Variants in RPS6KC1 observed in about 807,000 individuals in gnomAD.
The protein encoded by RPS6KC1 is ribosomal protein S6 kinase C1, also known as inactive ribosomal protein S6 kinase delta-1.
In RPS6KC1, 54 loss-of-function variants were observed where a neutral mutation model predicts 103.8. That is an observed-to-expected ratio of 0.52 (90% CI 0.42 to 0.65). RPS6KC1 has a LOEUF of 0.65. RPS6KC1 is among the 30% of genes least tolerant of loss of function. The probability of loss-of-function intolerance (pLI) is 0.00; values close to 1 mark genes in which losing one functional copy is unlikely to be tolerated. For synonymous variants in RPS6KC1, 439 were observed against 438.7 expected, an observed-to-expected ratio of 1.00 and a Z score of -0.01; for missense variants, 1,151 against 1,253.8, an observed-to-expected ratio of 0.92 and a Z score of 1.24.
chr1:213,679,246 T>A, the RPS6KC1 span, among the ~76,000 whole-genome samples: 1 of 152,324 alleles, frequency 6.6e-6, no homozygotes, highest in Middle Eastern at 3.4e-3. Context: ...GGTTTCAACA[T>A]CCTTTTGCAA....
chr1:213,245,479 A>T (rs1032544806), intron 12 of RPS6KC1, among the ~76,000 whole-genome samples: 4 of 152,176 alleles, frequency 2.6e-5, no homozygotes, highest in Non-Finnish European at 5.9e-5. Flanking sequence ...TCACAAGATT[A>T]TGATGAGAGC....
chr1:213,640,248 C>T, the RPS6KC1 span, among the ~76,000 whole-genome samples: 1 of 151,906 alleles, frequency 6.6e-6, no homozygotes, highest in Non-Finnish European at 1.5e-5. Flanking sequence ...GTGATATCCC[C>T]TATTTCATTC....
chr1:213,217,023 G>C (rs2093683672), intron 8 of RPS6KC1, among the ~76,000 whole-genome samples: 1 of 151,644 alleles, frequency 6.6e-6, no homozygotes, highest in Non-Finnish European at 1.5e-5. Context: ...ACTAAGATCA[G>C]AGCAGAGCTG....
chr1:213,529,524 A>G, the RPS6KC1 span, among the ~76,000 whole-genome samples: 2 of 152,236 alleles, frequency 1.3e-5, no homozygotes, highest in African/African-American at 4.8e-5. Context: ...ATACACACAG[A>G]AACACAAAGA....
chr1:213,742,417 A>G, the RPS6KC1 span, among the ~76,000 whole-genome samples: 2 of 152,242 alleles, frequency 1.3e-5, no homozygotes, highest in Non-Finnish European at 2.9e-5. Context: ...GCTGTGAAAT[A>G]TTCTTTAGGA....
intron 5 of RPS6KC1, 111 bp downstream of exon 5, chr1:213,117,521 T>G: frequency 5.0e-5 from 29 of 575,928 alleles, no homozygotes; most frequent in East Asian, 1.8e-4. Context: ...GGTATTTCAC[T>G]GATTCTAAGA....
the RPS6KC1 span, among the ~76,000 whole-genome samples, chr1:213,363,791 TTTC>T: frequency 1.8e-5 from 2 of 110,624 alleles, no homozygotes; most frequent in African/African-American, 1.1e-4. Flanking sequence ...TCTTTCTTTC[TTTC>T]TTTCTTTCTT....
the RPS6KC1 span, among the ~76,000 whole-genome samples, chr1:213,799,189 T>A: frequency 6.6e-6 from 1 of 152,252 alleles, no homozygotes; most frequent in African/African-American, 2.4e-5. Context: ...CAGTTTTTCA[T>A]TTTAAGAAGA....
chr1:213,079,155 T>A (rs2079629402), intron 3 of RPS6KC1, among the ~76,000 whole-genome samples: 1 of 152,196 alleles, frequency 6.6e-6, no homozygotes, highest in South Asian at 2.1e-4. Flanking sequence ...TTTTAATATG[T>A]ACATAGTATT....
rs115862869 is a variant in RPS6KC1 at position 213,130,071 on chromosome 1, C to T, written c.835+182C>T. On this transcript the variant is annotated intron_variant, in intron 6 of 14. Coordinates refer to ENST00000366960, the MANE Select transcript of RPS6KC1 (RefSeq NM_012424.6). Reference sequence around the variant, plus strand: ...AGTTCCTTGAGATGTTAGACATTATCGGAGGTACTTAACCCTCTACTTTTA... The same window carrying T: ...AGTTCCTTGAGATGTTAGACATTATTGGAGGTACTTAACCCTCTACTTTTA... Among the ~76,000 whole-genome samples the T allele has an allele frequency of 5.3e-3, 810 of 152,148 alleles. 3 individuals carry two copies. Among genetic ancestry groups the T allele is most frequent in the African/African-American group, 0.016 (657 of 41,508 alleles).
the RPS6KC1 span, among the ~76,000 whole-genome samples, chr1:213,834,916 A>G: frequency 6.6e-6 from 1 of 152,200 alleles, no homozygotes; most frequent in Non-Finnish European, 1.5e-5. Context: ...CATCAAGACA[A>G]AGTCTCTCAT....
At chr1:213,236,291 A>T (rs1306701063) in intron 10 of RPS6KC1, among the ~76,000 whole-genome samples, 1 of 152,200 alleles carries the variant, frequency 6.6e-6, no homozygotes. Flanking sequence ...AAGAATGGTT[A>T]TTAGAGTCTG....
At chr1:213,493,561 G>C in the RPS6KC1 span, among the ~76,000 whole-genome samples, 1 of 152,218 alleles carries the variant, frequency 6.6e-6, no homozygotes. Flanking sequence ...TCGGGAAAAT[G>C]ATAGGAACGT....
chr1:213,575,008 C>T, the RPS6KC1 span, among the ~76,000 whole-genome samples: 2 of 151,964 alleles, frequency 1.3e-5, no homozygotes, highest in African/African-American at 2.4e-5. Flanking sequence ...GACTGGAGGG[C>T]AGTGAGGTGT....
At chr1:213,773,766 G>C in the RPS6KC1 span, among the ~76,000 whole-genome samples, 3 of 152,106 alleles carry the variant, frequency 2.0e-5, no homozygotes, top group Non-Finnish European at 2.9e-5. Context: ...CCATTGATTA[G>C]ATGACACTCA....
At chr1:213,567,482 C>G in the RPS6KC1 span, among the ~76,000 whole-genome samples, 1 of 152,224 alleles carries the variant, frequency 6.6e-6, no homozygotes, top group Admixed American at 6.5e-5. Flanking sequence ...GGGTTCCACT[C>G]TAGTTTTCAG....
the RPS6KC1 span, among the ~76,000 whole-genome samples, chr1:213,615,810 C>A: frequency 4.3e-4 from 65 of 152,356 alleles, no homozygotes; most frequent in African/African-American, 1.5e-3. Context: ...GCCTGCTTCC[C>A]TTTGAGAAGG....
At chr1:213,230,657 A>G in intron 9 of RPS6KC1, 113 bp downstream of exon 9, 1 of 584,318 alleles carries the variant, frequency 1.7e-6, no homozygotes, top group East Asian at 3.3e-5. Context: ...CAACATGGTG[A>G]AACCCCGTTT....
the RPS6KC1 span, among the ~76,000 whole-genome samples, chr1:213,771,733 G>A: frequency 2.0e-5 from 3 of 152,186 alleles, no homozygotes; most frequent in African/African-American, 7.2e-5. Context: ...ACGTCAGGAA[G>A]CTGACAATTG....
Sources: allele counts gnomAD v4.1 joint callset (sites outside exome capture counted in the v4.1 genomes callset), GRCh38; gene constraint gnomAD v4.1.1; transcripts MANE v1.5; gene names NCBI Gene and HGNC (gene_info 2026-07-23, HGNC 2026-07-21).